The following VTI1B variants were observed in gnomAD, a reference collection of about 807,000 sequenced individuals.
VTI1B encodes the protein vesicle transport through interaction with t-SNAREs homolog 1B.
Under a neutral mutation model 28.6 loss-of-function variants are expected in VTI1B, and 18 were observed. That is an observed-to-expected ratio of 0.63 (90% CI 0.43 to 0.93). The LOEUF (loss-of-function observed/expected upper bound fraction) is 0.93. Ranked by LOEUF, VTI1B falls within the 40% of genes least tolerant of loss-of-function variation. The pLI is 0.00. For synonymous variants in VTI1B, 100 were observed against 107.9 expected, an observed-to-expected ratio of 0.93 and a Z score of 0.46; for missense variants, 283 against 297.0, an observed-to-expected ratio of 0.95 and a Z score of 0.35.
chr14:67,664,712 T>C (rs930295694), intron 1 of VTI1B, among the ~76,000 whole-genome samples: 1 of 152,180 alleles, frequency 6.6e-6, no homozygotes, highest in African/African-American at 2.4e-5. Flanking sequence ...TTGGCCAGTC[T>C]GGTCTCAAAC....
chr14:67,655,925 G>C (rs2037249462), intron 4 of VTI1B, among the ~76,000 whole-genome samples: 1 of 151,986 alleles, frequency 6.6e-6, no homozygotes, highest in African/African-American at 2.4e-5. Flanking sequence ...GCTTCTAAGG[G>C]ACATCTCTCA....
intron 1 of VTI1B, among the ~76,000 whole-genome samples, chr14:67,668,459 G>A (rs1000217868): frequency 3.3e-5 from 5 of 152,148 alleles, no homozygotes; most frequent in Non-Finnish European, 5.9e-5. Context: ...ACTGTACTTT[G>A]GAGAAATACA....
Position 67,656,550 on chromosome 14 carries a change from T to C in VTI1B, c.406A>G (p.Thr136Ala), listed in dbSNP as rs1180210598. The change falls in exon 4 of 6, where the codon ACT (threonine) becomes GCT (alanine). Residue 136 changes from threonine (T) to alanine (A), a missense_variant. By Grantham distance (58) the Thr-to-Ala change is moderately conservative. Transcript: ENST00000554659. ...TGGGTGGCCCGGTTCAGGCTTTCAGTGCCCTGCAGAAGCATTGCCCTTTGA... is the reference window on the plus strand; with the variant it reads ...TGGGTGGCCCGGTTCAGGCTTTCAGCGCCCTGCAGAAGCATTGCCCTTTGA... ...QSQRAMLLQG[T>A]ESLNRATQSI... is the part of the protein sequence containing the mutation. The C allele has an allele frequency of 2.5e-6, 4 of 1,613,798 alleles. No individual in the cohort carries two copies. The highest frequency in any genetic ancestry group is 3.4e-6 in the Non-Finnish European group (4 of 1,179,840).
intron 2 of VTI1B, among the ~76,000 whole-genome samples, chr14:67,661,529 CTTTTTT>C (rs35440818): frequency 1.8e-5 from 2 of 110,076 alleles, no homozygotes; most frequent in Admixed American, 1.0e-4. Context: ...GAACAGTAAC[CTTTTTT>C]TTTTTTTTTT....
chr14:67,672,968 C>T (rs933064798), intron 1 of VTI1B, among the ~76,000 whole-genome samples: 3 of 152,236 alleles, frequency 2.0e-5, no homozygotes, highest in Non-Finnish European at 4.4e-5. Flanking sequence ...TGCTTAAAGG[C>T]ATTTGCAGTG....
rs1004444803 is a variant in VTI1B, at chr14:67,649,969, C to T, written c.*1416G>A. 6.6e-6 allele frequency: 1 copy of T among 152,202 alleles called. No individual in the cohort carries two copies. The highest frequency in any genetic ancestry group is 1.5e-5 in the Non-Finnish European group (1 of 68,094). 9.4% of individuals were successfully genotyped at this position (152,202 alleles called of 1,614,324 possible). ...ATAGGTTCTTCTGGTTTAAGCTTCC[C>T]TTCCACTTGCTCCAGGCCAAAGGAA... On this transcript the variant is annotated 3_prime_UTR_variant, in exon 6 of 6. Transcript: ENST00000554659.
In VTI1B at chr14:67,651,199, TTGTTGC is replaced by T. The variant is rs1281539557; in HGVS notation, c.*180_*185del. On this transcript the variant is annotated 3_prime_UTR_variant, in exon 6 of 6. Coordinates refer to ENST00000554659, the MANE Select transcript of VTI1B (RefSeq NM_006370.3). ...ATTACCTTGGTATATCATACTGGTC[TTGTTGC>T]TGTTGTTCCTTCACATTTAAGTGGT... is the stretch of plus-strand genomic sequence containing the variant. 2 of 1,178,890 alleles carry T rather than the reference TTGTTGC, an allele frequency of 1.7e-6. No homozygotes were observed. The highest frequency in any genetic ancestry group is 5.1e-5 in the East Asian group (2 of 39,010). The allele number at this position is 1,178,890 out of a possible 1,614,324, so 73.0% of individuals were successfully genotyped here. A position where few individuals can be genotyped will look rare whatever the true frequency, so the allele number is the denominator to read the frequency against.
intron 1 of VTI1B, among the ~76,000 whole-genome samples, chr14:67,665,792 T>C (rs1325422082): frequency 1.3e-5 from 2 of 152,136 alleles, no homozygotes; most frequent in African/African-American, 4.8e-5. Flanking sequence ...ACCCCCTTAA[T>C]ATACACAAGA....
In VTI1B at chr14:67,659,471, G is replaced by GT. The variant is rs554341608; in HGVS notation, c.366+259dup. On this transcript the variant is annotated intron_variant, in intron 3 of 5. Transcript: ENST00000554659. Reference sequence around the variant, plus strand: ...TACATTCTACTACATACAAAGCACTGTTTTTTTTTTATTATAAGACTGTAT... The same window carrying GT: ...TACATTCTACTACATACAAAGCACTGTTTTTTTTTTTATTATAAGACTGTAT... Among the ~76,000 whole-genome samples the GT allele has an allele frequency of 1.1e-3, 156 of 148,044 alleles. 1 individual carries two copies. In the South Asian group the frequency reaches 0.011, roughly 10 times the overall value.
chr14:67,661,462 G>A (rs560425540), intron 2 of VTI1B, among the ~76,000 whole-genome samples: 1 of 151,594 alleles, frequency 6.6e-6, no homozygotes, highest in Admixed American at 6.6e-5. Context: ...AAGACAGAAA[G>A]GGACATGGTT....
chr14:67,673,337 C>T (rs1326572255), intron 1 of VTI1B, among the ~76,000 whole-genome samples: 1 of 151,784 alleles, frequency 6.6e-6, no homozygotes, highest in African/African-American at 2.4e-5. Context: ...GAGTGAGACC[C>T]TGTCTCAAAA....
At chr14:67,673,392 A>G (rs1462204442) in intron 1 of VTI1B, among the ~76,000 whole-genome samples, 1 of 152,118 alleles carries the variant, frequency 6.6e-6, no homozygotes, top group African/African-American at 2.4e-5. Context: ...CCCATCCCCT[A>G]TTCTTTTACT....
intron 1 of VTI1B, 64 bp downstream of exon 1, chr14:67,674,311 G>A (rs533637045): frequency 9.2e-6 from 13 of 1,409,090 alleles, no homozygotes; most frequent in South Asian, 2.6e-5. Context: ...AGGAAGGTGG[G>A]AGAATCTTCC....
At chr14:67,671,017 T>G (rs2037458924) in intron 1 of VTI1B, among the ~76,000 whole-genome samples, 1 of 152,198 alleles carries the variant, frequency 6.6e-6, no homozygotes, top group Non-Finnish European at 1.5e-5. Context: ...TCTGAAAACT[T>G]TATGATGTGG....
chr14:67,651,607 T>C, intron 5 of VTI1B, 126 bp from the exon 6 acceptor site: 6 of 1,010,562 alleles, frequency 5.9e-6, no homozygotes, highest in Non-Finnish European at 8.5e-6. Context: ...CACAGCCACT[T>C]AGCAGGAAGT....
intron 4 of VTI1B, among the ~76,000 whole-genome samples, chr14:67,655,357 A>G (rs1435844084): frequency 6.6e-6 from 1 of 152,100 alleles, no homozygotes; most frequent in Non-Finnish European, 1.5e-5. Flanking sequence ...ATGTAGGTTA[A>G]CTCATTTATG....
Position 67,653,493 on chromosome 14 carries a change from T to G in VTI1B, c.546A>C (p.Val182=). ...TTTTGCTCAAGTTTTCACTTGTGTT[T>G]ACCAGCTGAGAAGAGAAAATAGTGA... The part of the protein sequence containing the change: ...DQLERTKSRL[V]NTSENLSKSR... The change falls in exon 5 of 6, where the codon GTA becomes GTC. Residue 182 remains valine (V), a synonymous_variant. Coordinates refer to ENST00000554659, the MANE Select transcript of VTI1B (RefSeq NM_006370.3). 2 of 1,613,776 alleles carry G rather than the reference T, an allele frequency of 1.2e-6. No homozygotes were observed. The highest frequency in any genetic ancestry group is 1.7e-6 in the Non-Finnish European group (2 of 1,179,666).
chr14:67,665,245 A>G (rs2037385878), intron 1 of VTI1B, among the ~76,000 whole-genome samples: 1 of 148,848 alleles, frequency 6.7e-6, no homozygotes, highest in African/African-American at 2.5e-5. Context: ...AACAGCATCT[A>G]ATGTCAGTTA....
At chr14:67,655,525 T>C (rs1198629157) in intron 4 of VTI1B, among the ~76,000 whole-genome samples, 1 of 151,492 alleles carries the variant, frequency 6.6e-6, no homozygotes, top group Admixed American at 6.5e-5. Context: ...TTTTCCCTAT[T>C]ACTTTTTTTT....
Sources: gnomAD v4.1 joint callset for allele counts (sites outside exome capture counted in the v4.1 genomes callset) on GRCh38, gnomAD v4.1.1 for gene constraint, MANE v1.5 for transcripts, NCBI Gene and HGNC (gene_info 2026-07-23, HGNC 2026-07-21) for gene names.